GFPT2: variants seen among roughly 807,000 people sequenced by gnomAD.
GFPT2 encodes the protein glutamine--fructose-6-phosphate aminotransferase [isomerizing] 2.
In GFPT2, 62 loss-of-function variants were observed where a neutral mutation model predicts 85.6. The ratio of observed to expected loss-of-function variants is 0.72; its 90% confidence interval spans 0.59 to 0.90. The LOEUF is 0.90. Ranked by LOEUF, GFPT2 falls within the 40% of genes least tolerant of loss-of-function variation. The pLI is 0.00. For synonymous variants in GFPT2, 368 were observed against 344.5 expected (o/e 1.07, Z -0.75); for missense variants, 788 against 893.4 (o/e 0.88, Z 1.50).
chr5:180,311,995 TGGGG>T lies in GFPT2; in HGVS notation c.1546+431_1546+434del, dbSNP rs1763896560. Among the ~76,000 whole-genome samples, 3 of 20,232 alleles carry T rather than the reference TGGGG, an allele frequency of 1.5e-4. No individual in the cohort carries two copies. In the Admixed American group the frequency reaches 1.6e-3, roughly 11 times the overall value. 13.3% of individuals were successfully genotyped at this position (20,232 alleles called of 152,430 possible). A position where few individuals can be genotyped will look rare whatever the true frequency, so the allele number is the denominator to read the frequency against. On this transcript the variant is annotated intron_variant, in intron 15 of 18. Transcript: ENST00000253778. Reference sequence around the variant, plus strand: ...GCTGAGGACCAGGGAGGCAGGGAGGTGGGGAGGCTGAGGGGCAGGGAGGCAGGGA... The same window carrying T: ...GCTGAGGACCAGGGAGGCAGGGAGGTAGGCTGAGGGGCAGGGAGGCAGGGA...
chr5:180,346,055 A>G (rs1461243359), intron 1 of GFPT2, among the ~76,000 whole-genome samples: 2 of 151,968 alleles, frequency 1.3e-5, no homozygotes, highest in Admixed American at 1.3e-4. Context: ...GCCAGGGCCT[A>G]GGGAAGGCTC....
intron 13 of GFPT2, among the ~76,000 whole-genome samples, chr5:180,314,434 T>C (rs910185297): frequency 6.6e-6 from 1 of 152,216 alleles, no homozygotes; most frequent in Non-Finnish European, 1.5e-5. Flanking sequence ...GGACACTTCT[T>C]GCAAGCCTCT....
chr5:180,352,344 A>AG lies in GFPT2; in HGVS notation c.7+866_7+867insC, dbSNP rs764601812. 2.5e-3 allele frequency: 895 copies of AG among 364,718 alleles called. 1 individual carries two copies. The highest frequency in any genetic ancestry group is 8.2e-3 in the Middle Eastern group (21 of 2,566). 22.6% of individuals were successfully genotyped at this position (364,718 alleles called of 1,614,324 possible). The stretch of plus-strand genomic sequence containing the variant: ...GTAACCGAATCCTACTCAAGGAAAA[A>AG]AAAAAAAAAAAAAAAGAGCACAGTG... On this transcript the variant is annotated intron_variant, in intron 1 of 18. Transcript: ENST00000253778.
chr5:180,318,693 G>A lies in GFPT2; in HGVS notation c.958+100C>T, dbSNP rs1314058883. The A allele has an allele frequency of 6.9e-6, 7 of 1,011,670 alleles. No individual in the cohort carries two copies. Among genetic ancestry groups the A allele is most frequent in the Non-Finnish European group, 8.9e-6 (6 of 674,884 alleles). The allele number at this position is 1,011,670 out of a possible 1,614,324, so 62.7% of individuals were successfully genotyped here. ...CCGCCCTGGTGGCCACAGAGGGCAG[G>A]AGGGCTGTGGCCTCTACTAGGACCA... On this transcript the variant is annotated intron_variant, in intron 10 of 18. Transcript: ENST00000253778. This position sits in a 1 kb window ranked among gnomAD's most constrained non-coding sequence, Gnocchi z 4.2.
chr5:180,304,460 G>A (rs866970194), intron 17 of GFPT2, among the ~76,000 whole-genome samples: 5 of 152,202 alleles, frequency 3.3e-5, no homozygotes, highest in Non-Finnish European at 7.3e-5. Context: ...CTGCTTGGCC[G>A]CAGAACCTGG....
intron 13 of GFPT2, among the ~76,000 whole-genome samples, chr5:180,314,862 CG>C (rs534705267): frequency 1.2e-4 from 19 of 152,278 alleles, no homozygotes; most frequent in East Asian, 5.8e-4. Flanking sequence ...CACAGAGATT[CG>C]GAAGCTGCCA....
intron 1 of GFPT2, among the ~76,000 whole-genome samples, chr5:180,345,672 C>T (rs1764593294): frequency 6.6e-6 from 1 of 152,214 alleles, no homozygotes; most frequent in South Asian, 2.1e-4. Flanking sequence ...CTGTCTCATC[C>T]ATTGCTGAGT....
intron 16 of GFPT2, among the ~76,000 whole-genome samples, chr5:180,306,364 G>A (rs1256183181): frequency 1.3e-5 from 2 of 152,182 alleles, no homozygotes; most frequent in African/African-American, 2.4e-5. Flanking sequence ...TAATGCCCTC[G>A]TCTTGGTGGC....
At chr5:180,336,289 C>T (rs1479402443) in intron 3 of GFPT2, 190 bp downstream of exon 3, 12 of 619,242 alleles carry the variant, frequency 1.9e-5, no homozygotes, top group Non-Finnish European at 3.2e-5. Context: ...ATTATCCATG[C>T]GCCGCCACCA....
chr5:180,314,008 G>T (rs1470216940), intron 13 of GFPT2, 44 bp from the exon 14 acceptor site: 1 of 1,538,910 alleles, frequency 6.5e-7, no homozygotes, highest in Non-Finnish European at 8.7e-7. Flanking sequence ...CGCCAGCCTC[G>T]GCCCCACCCC....
intron 1 of GFPT2, among the ~76,000 whole-genome samples, chr5:180,344,106 G>A (rs1156840439): frequency 6.6e-6 from 1 of 152,242 alleles, no homozygotes; most frequent in Non-Finnish European, 1.5e-5. Flanking sequence ...GCCTTTTACA[G>A]GCAGCCCTCA....
intron 14 of GFPT2, among the ~76,000 whole-genome samples, chr5:180,313,503 T>C (rs1252888941): frequency 2.0e-5 from 3 of 150,780 alleles, no homozygotes; most frequent in Non-Finnish European, 4.4e-5. Context: ...GGCAGGAGAA[T>C]GGCGTGAACC....
chr5:180,337,611 C>G (rs760863479), intron 2 of GFPT2, among the ~76,000 whole-genome samples: 1 of 152,142 alleles, frequency 6.6e-6, no homozygotes, highest in East Asian at 1.9e-4. Flanking sequence ...CAGACAACAG[C>G]GACCGGAGAA....
In GFPT2 at chr5:180,318,830, G is replaced by A. The variant is rs764084773; in HGVS notation, c.921C>T (p.Ile307=). 10 of 1,614,052 alleles carry A rather than the reference G, an allele frequency of 6.2e-6. 1 individual carries two copies. In the South Asian group the frequency reaches 1.1e-4, roughly 18 times the overall value. ...GCTGCAGTTCCATCTGCAAGGTCTGGATGGCTCGAGATGGGTCATCACTGG... is the reference window on the plus strand; with the variant it reads ...GCTGCAGTTCCATCTGCAAGGTCTGAATGGCTCGAGATGGGTCATCACTGG... ...RSASDDPSRA[I]QTLQMELQQI... Residue 307 remains isoleucine (I), a synonymous_variant, in exon 10 of 19, where the codon ATC becomes ATT. Coordinates refer to ENST00000253778, the MANE Select transcript of GFPT2 (RefSeq NM_005110.4). This position sits in a 1 kb window ranked among gnomAD's most constrained non-coding sequence, Gnocchi z 4.2.
rs2127650623 is a variant in GFPT2, at chr5:180,318,678, G to A, written c.958+115C>T. 1.2e-6 allele frequency: 1 copy of A among 861,372 alleles called. No homozygotes were observed. Among genetic ancestry groups the A allele is most frequent in the African/African-American group, 1.7e-5 (1 of 60,270 alleles). 53.4% of individuals were successfully genotyped at this position (861,372 alleles called of 1,614,324 possible). A position where few individuals can be genotyped will look rare whatever the true frequency, so the allele number is the denominator to read the frequency against. ...AGGCTACCTGCAGCCCCGCCCTGGT[G>A]GCCACAGAGGGCAGGAGGGCTGTGG... On this transcript the variant is annotated intron_variant, in intron 10 of 18. Transcript: ENST00000253778. This position sits in a 1 kb window ranked among gnomAD's most constrained non-coding sequence, Gnocchi z 4.2.
At chr5:180,319,994 A>G (rs2127651005) in intron 9 of GFPT2, among the ~76,000 whole-genome samples, 1 of 152,094 alleles carries the variant, frequency 6.6e-6, no homozygotes, top group African/African-American at 2.4e-5. Flanking sequence ...CATTGTGTTT[A>G]TTTATTTATT....
At chr5:180,306,888 C>G (rs945095242) in intron 16 of GFPT2, among the ~76,000 whole-genome samples, 7 of 152,218 alleles carry the variant, frequency 4.6e-5, no homozygotes, top group Non-Finnish European at 8.8e-5. Context: ...CCAAGTGGAC[C>G]CTGGCAGTGC....
rs766292360 is a variant in GFPT2, at chr5:180,330,666, G to A, written c.534+34C>T. The A allele has an allele frequency of 3.2e-6, 5 of 1,558,360 alleles. No homozygotes were observed. In the Admixed American group the frequency reaches 5.4e-5, roughly 17 times the overall value. On this transcript the variant is annotated intron_variant, in intron 6 of 18. Transcript: ENST00000253778. This position sits in a 1 kb window ranked among gnomAD's most constrained non-coding sequence, Gnocchi z 4.4. ...AAAATGTTTTTAATGAAAGAATGAA[G>A]GAATGAGTTAGACAGATGGGATTTG...
At chr5:180,312,004 T>C (rs1171605100) in intron 15 of GFPT2, among the ~76,000 whole-genome samples, 6 of 24,052 alleles carry the variant, frequency 2.5e-4, no homozygotes, top group Admixed American at 4.4e-4. Context: ...GTGGGGAGGC[T>C]GAGGGGCAGG....
Sources: allele counts gnomAD v4.1 joint callset (sites outside exome capture counted in the v4.1 genomes callset), GRCh38; gene constraint gnomAD v4.1.1; non-coding constraint Gnocchi (gnomAD v3.1); transcripts MANE v1.5; gene names NCBI Gene and HGNC (gene_info 2026-07-23, HGNC 2026-07-21).